KHDRBS2: variants seen among roughly 807,000 people sequenced by gnomAD.
KHDRBS2 encodes the protein KH RNA binding domain containing, signal transduction associated 2.
KHDRBS2 carries 26 observed loss-of-function variants against 44.3 expected under a neutral mutation model. The ratio of observed to expected loss-of-function variants is 0.59; its 90% CI spans 0.43 to 0.81. KHDRBS2 has a LOEUF of 0.81. Among genes scored for constraint, KHDRBS2 ranks in the 40% least tolerant of loss-of-function variants. KHDRBS2 has a pLI of 0.00. For missense variants in KHDRBS2, 476 were observed against 433.1 expected, an observed-to-expected ratio of 1.10 and a Z score of -0.88; for synonymous variants, 194 against 151.1, an observed-to-expected ratio of 1.28 and a Z score of -2.08.
At chr6:61,885,642 T>G (rs916275745) in intron 6 of KHDRBS2, among the ~76,000 whole-genome samples, 11 of 152,120 alleles carry the variant, frequency 7.2e-5, no homozygotes, top group Non-Finnish European at 1.3e-4. Flanking sequence ...TAAATGAATT[T>G]CTAACTAACT....
At chr6:61,799,124 C>T (rs1785843828) in intron 6 of KHDRBS2, among the ~76,000 whole-genome samples, 1 of 151,968 alleles carries the variant, frequency 6.6e-6, no homozygotes, top group African/African-American at 2.4e-5. Context: ...GCTTTTAATG[C>T]TGCAGTTCTT....
intron 6 of KHDRBS2, among the ~76,000 whole-genome samples, chr6:61,761,294 A>C (rs920336250): frequency 1.3e-5 from 2 of 152,188 alleles, no homozygotes; most frequent in Non-Finnish European, 2.9e-5. Context: ...TTTAACTGAC[A>C]CTTTTGACTA....
intron 7 of KHDRBS2, among the ~76,000 whole-genome samples, chr6:61,713,158 T>A (rs915619753): frequency 1.5e-4 from 23 of 151,608 alleles, no homozygotes; most frequent in African/African-American, 5.3e-4. Context: ...ATACAAAAAA[T>A]TCTGAATATG....
At chr6:62,064,852 A>C (rs1316961997) in intron 2 of KHDRBS2, among the ~76,000 whole-genome samples, 2 of 150,198 alleles carry the variant, frequency 1.3e-5, no homozygotes, top group African/African-American at 2.4e-5. Context: ...GCAACCTACA[A>C]AATGGGAGAA....
At chr6:61,684,197 G>T (rs213785) in intron 8 of KHDRBS2, among the ~76,000 whole-genome samples, 3 of 151,840 alleles carry the variant, frequency 2.0e-5, no homozygotes, top group Admixed American at 2.0e-4. Flanking sequence ...ACCAATGAAC[G>T]TTTTTCCAGT....
intron 1 of KHDRBS2, among the ~76,000 whole-genome samples, chr6:62,182,623 C>T (rs1822561104): frequency 6.6e-6 from 1 of 151,764 alleles, no homozygotes; most frequent in Non-Finnish European, 1.5e-5. Context: ...GTATGTCAGC[C>T]ATATCTCAAT....
intron 4 of KHDRBS2, among the ~76,000 whole-genome samples, chr6:61,942,393 A>C (rs1251619213): frequency 6.6e-6 from 1 of 152,186 alleles, no homozygotes; most frequent in Non-Finnish European, 1.5e-5. Flanking sequence ...TCATAAAAAG[A>C]ACAAAACAAA....
chr6:62,175,100 T>C (rs993853674), intron 2 of KHDRBS2, among the ~76,000 whole-genome samples: 4 of 151,804 alleles, frequency 2.6e-5, no homozygotes, highest in Non-Finnish European at 4.4e-5. Context: ...CAAAATATTA[T>C]GATTTATTGT....
intron 1 of KHDRBS2, among the ~76,000 whole-genome samples, chr6:62,267,403 TCAGAAA>T (rs1839380819): frequency 6.6e-6 from 1 of 151,974 alleles, no homozygotes; most frequent in African/African-American, 2.4e-5. Context: ...CAAGTTCCCA[TCAGAAA>T]CAGTCTTTTA....
chr6:62,195,893 T>A (rs1426398548), intron 1 of KHDRBS2, among the ~76,000 whole-genome samples: 1 of 152,118 alleles, frequency 6.6e-6, no homozygotes. Context: ...GAACTAAACA[T>A]TAGAAATAAT....
chr6:61,544,672 T>C, the KHDRBS2 span, among the ~76,000 whole-genome samples: 677 of 152,192 alleles, frequency 4.4e-3, 6 homozygotes, highest in African/African-American at 0.015. Context: ...TAAGGAGTTC[T>C]TTACAAAAAT....
chr6:61,647,686 T>C, the KHDRBS2 span, among the ~76,000 whole-genome samples: 5 of 152,180 alleles, frequency 3.3e-5, no homozygotes, highest in Admixed American at 2.6e-4. Context: ...ACCAACTTTG[T>C]TTCATAGCTA....
chr6:61,709,664 T>C (rs141649162), intron 7 of KHDRBS2, among the ~76,000 whole-genome samples: 1 of 151,768 alleles, frequency 6.6e-6, no homozygotes, highest in Non-Finnish European at 1.5e-5. Flanking sequence ...TCTTTTGTTT[T>C]ATTATGTAGA....
chr6:61,647,243 C>A, the KHDRBS2 span, among the ~76,000 whole-genome samples: 1 of 152,036 alleles, frequency 6.6e-6, no homozygotes, highest in Non-Finnish European at 1.5e-5. Context: ...TATGGTAAAT[C>A]ATTCTGAAAA....
intron 6 of KHDRBS2, among the ~76,000 whole-genome samples, chr6:61,796,359 A>G (rs1381588324): frequency 6.6e-6 from 1 of 151,996 alleles, no homozygotes; most frequent in African/African-American, 2.4e-5. Flanking sequence ...AAAAATATGT[A>G]ATAATTTTAA....
intron 2 of KHDRBS2, among the ~76,000 whole-genome samples, chr6:62,079,316 G>C (rs1397725664): frequency 6.6e-6 from 1 of 151,810 alleles, no homozygotes; most frequent in Non-Finnish European, 1.5e-5. Context: ...AACAGAGAAA[G>C]ATGGCTGTAT....
chr6:61,658,932 A>G, the KHDRBS2 span, among the ~76,000 whole-genome samples: 2 of 152,030 alleles, frequency 1.3e-5, no homozygotes, highest in Admixed American at 6.6e-5. Context: ...AACAATCTCT[A>G]TACAACACTA....
chr6:62,285,600 G>T (rs1366413479), intron 1 of KHDRBS2, among the ~76,000 whole-genome samples: 2 of 152,172 alleles, frequency 1.3e-5, no homozygotes, highest in Non-Finnish European at 2.9e-5. Flanking sequence ...CTCTATCAAT[G>T]ATCCTAACAG....
intron 3 of KHDRBS2, among the ~76,000 whole-genome samples, chr6:62,025,828 A>G (rs1464495812): frequency 6.6e-6 from 1 of 152,102 alleles, no homozygotes; most frequent in East Asian, 1.9e-4. Context: ...TTTGCTTATT[A>G]TTTCACTGTT....
Sources: gnomAD v4.1 joint callset for allele counts (sites outside exome capture counted in the v4.1 genomes callset) on GRCh38, gnomAD v4.1.1 for gene constraint, MANE v1.5 for transcripts, NCBI Gene and HGNC (gene_info 2026-07-23, HGNC 2026-07-21) for gene names.